DNMBP: variants seen among roughly 807,000 people sequenced by gnomAD.
DNMBP encodes the protein dynamin binding protein.
DNMBP carries 87 observed loss-of-function variants against 150.0 expected under a neutral mutation model. The ratio of observed to expected loss-of-function variants is 0.58; its 90% CI spans 0.49 to 0.69. The LOEUF (loss-of-function observed/expected upper bound fraction) is 0.69, where lower values mean the gene tolerates loss of function less well. Ranked by LOEUF, DNMBP falls within the 30% of genes least tolerant of loss-of-function variation. The pLI, the probability that DNMBP is intolerant of heterozygous loss-of-function variation, is 0.00. For missense variants in DNMBP, 1,774 were observed against 1,949.0 expected, an observed-to-expected ratio of 0.91 and a Z score of 1.69; for synonymous variants, 711 against 750.4, an observed-to-expected ratio of 0.95 and a Z score of 0.86.
At chr10:100,007,395 C>T (rs541650622) in intron 1 of DNMBP, among the ~76,000 whole-genome samples, 10 of 151,992 alleles carry the variant, frequency 6.6e-5, no homozygotes, top group African/African-American at 2.4e-4. Context: ...GACCCCGGCA[C>T]ACACAGGTGC....
intron 11 of DNMBP, among the ~76,000 whole-genome samples, chr10:99,891,155 T>C (rs1196899159): frequency 6.6e-6 from 1 of 150,570 alleles, no homozygotes; most frequent in Admixed American, 6.6e-5. Flanking sequence ...TAGAACTCCC[T>C]CTCCCTCTCC....
chr10:99,931,091 T>C (rs903301385), intron 4 of DNMBP: 5 of 244,824 alleles, frequency 2.0e-5, no homozygotes, highest in Admixed American at 1.1e-4. Flanking sequence ...TTGCTGAAGA[T>C]AGAGGCATTC....
chr10:100,006,944 C>T (rs868591368), intron 1 of DNMBP, among the ~76,000 whole-genome samples: 1 of 151,956 alleles, frequency 6.6e-6, no homozygotes, highest in Admixed American at 6.6e-5. Flanking sequence ...TGAAACCCCG[C>T]GTCTACTAAA....
At chr10:99,959,704 A>C (rs531284762) in intron 3 of DNMBP, among the ~76,000 whole-genome samples, 31 of 151,896 alleles carry the variant, frequency 2.0e-4, no homozygotes, top group African/African-American at 7.5e-4. Context: ...AATTTAAAAA[A>C]AAATTAGCCG....
intron 11 of DNMBP, among the ~76,000 whole-genome samples, chr10:99,891,341 G>C (rs1031763291): frequency 6.6e-6 from 1 of 150,892 alleles, no homozygotes; most frequent in Non-Finnish European, 1.5e-5. Flanking sequence ...GCGCCACCAC[G>C]CCTGACTGGT....
At chr10:99,961,027 C>T (rs1362049461) in intron 3 of DNMBP, among the ~76,000 whole-genome samples, 3 of 151,560 alleles carry the variant, frequency 2.0e-5, no homozygotes, top group Non-Finnish European at 4.4e-5. Flanking sequence ...CTAAGTCTGT[C>T]TTATATTCCC....
intron 4 of DNMBP, among the ~76,000 whole-genome samples, chr10:99,925,064 T>G (rs928197945): frequency 6.6e-6 from 1 of 152,240 alleles, no homozygotes; most frequent in African/African-American, 2.4e-5. Context: ...CTTGCACCTT[T>G]GCACCTCTGC....
Position 99,876,367 on chromosome 10 carries a change from C to G in DNMBP, c.*784G>C, listed in dbSNP as rs2039272978. 6.6e-6 allele frequency: 1 copy of G among 150,516 alleles called. No individual in the cohort carries two copies. Among genetic ancestry groups the G allele is most frequent in the Admixed American group, 6.6e-5 (1 of 15,124 alleles). The allele number at this position is 150,516 out of a possible 1,614,324, so 9.3% of individuals were successfully genotyped here. On this transcript the variant is annotated 3_prime_UTR_variant, in exon 17 of 17. Coordinates refer to ENST00000324109, the MANE Select transcript of DNMBP (RefSeq NM_015221.4). ...CTTGAGCCCAGGCGTTTAAGACCAG[C>G]CTGGGCAACATAGCAAGACCCCATC...
intron 11 of DNMBP, among the ~76,000 whole-genome samples, chr10:99,891,879 G>A (rs1189354990): frequency 1.3e-5 from 2 of 150,844 alleles, no homozygotes; most frequent in African/African-American, 4.9e-5. Flanking sequence ...CGTCTGGGAG[G>A]TGAGGAGCGT....
At chr10:99,930,293 C>T (rs10786578) in intron 4 of DNMBP, 262,206 of 702,688 alleles carry the variant, frequency 0.37, 50,347 homozygotes, top group African/African-American at 0.53. Context: ...AGTCAGTCAA[C>T]TGTTCAGCTT....
intron 4 of DNMBP, among the ~76,000 whole-genome samples, chr10:99,933,823 G>T (rs1360393110): frequency 6.6e-6 from 1 of 152,112 alleles, no homozygotes; most frequent in African/African-American, 2.4e-5. Flanking sequence ...TGCAAGCTCC[G>T]CCTCCCAGGT....
At chr10:99,910,263 C>T (rs7070572) in intron 4 of DNMBP, among the ~76,000 whole-genome samples, 55,037 of 152,230 alleles carry the variant, frequency 0.36, 10,438 homozygotes, top group South Asian at 0.42. Flanking sequence ...AATTCTGGGA[C>T]GGGTGCAGTG....
At chr10:99,882,002 C>G (rs2039374899) in intron 15 of DNMBP, among the ~76,000 whole-genome samples, 1 of 152,156 alleles carries the variant, frequency 6.6e-6, no homozygotes, top group Admixed American at 6.5e-5. Context: ...GTAAAACCCC[C>G]CAGCAGGGTC....
intron 15 of DNMBP, 27 bp downstream of exon 15, chr10:99,883,984 C>G: frequency 6.3e-7 from 1 of 1,595,766 alleles, no homozygotes; most frequent in Middle Eastern, 1.7e-4. Context: ...TTTCCAGTTA[C>G]AGTCCTCTGC....
chr10:99,909,017 CT>C lies in DNMBP; in HGVS notation c.2389del (p.Arg797GlufsTer38), dbSNP rs1210869080. On this transcript the variant is annotated frameshift_variant, in exon 5 of 17. Transcript: ENST00000324109. LOFTEE classifies it high-confidence loss of function. ...CATTTCCAGATCCCGAATGTAGTCTCTTTCTGTCTGAAGAAGTTCTTCTATG... is the reference window on the plus strand; with the variant it reads ...CATTTCCAGATCCCGAATGTAGTCTCTTCTGTCTGAAGAAGTTCTTCTATG... ...KVIEELLQTE[R>X]DYIRDLEMCI... 1.2e-6 allele frequency: 2 copies of C among 1,614,224 alleles called. No homozygotes were observed. The highest frequency in any genetic ancestry group is 1.7e-6 in the Non-Finnish European group (2 of 1,180,042).
chr10:100,005,873 A>G (rs1225839599), intron 1 of DNMBP, among the ~76,000 whole-genome samples: 1 of 152,158 alleles, frequency 6.6e-6, no homozygotes, highest in Non-Finnish European at 1.5e-5. Flanking sequence ...AAGCTCCTAC[A>G]TAAACAAAAG....
intron 1 of DNMBP, among the ~76,000 whole-genome samples, chr10:99,981,634 G>C (rs940220973): frequency 6.6e-6 from 1 of 152,174 alleles, no homozygotes; most frequent in African/African-American, 2.4e-5. Context: ...ATCAAAGTCT[G>C]AACTTGGCAC....
rs369699830 is a variant in DNMBP at position 100,003,885 on chromosome 10, C to A, written c.-11+5953G>T. The stretch of plus-strand genomic sequence containing the variant: ...ATAAATAAATAAAATAAGATGTTAA[C>A]CCTCCTCAAATAATTTATAAACTCA... On this transcript the variant is annotated intron_variant, in intron 1 of 16. Coordinates refer to ENST00000324109, the MANE Select transcript of DNMBP (RefSeq NM_015221.4). Among the ~76,000 whole-genome samples the A allele has an allele frequency of 1.8e-4, 28 of 151,848 alleles. No individual in the cohort carries two copies. In the South Asian group the frequency reaches 5.8e-3, roughly 32 times the overall value.
rs746675281 is a variant in DNMBP, at chr10:99,909,006, G to A, written c.2401C>T (p.Arg801Trp). The change falls in exon 5 of 17, where the codon CGG becomes TGG. Residue 801 changes from arginine to tryptophan, a missense_variant. This residue lies in a region of DNMBP where 1,430 missense variants were observed against 1,492.5 expected (regional missense o/e 0.96). Coordinates refer to ENST00000324109, the MANE Select transcript of DNMBP (RefSeq NM_015221.4). ...ELLQTERDYI[R>W]DLEMCIERIM... ...CGCTCAATACACATTTCCAGATCCC[G>A]AATGTAGTCTCTTTCTGTCTGAAGA... The A allele has an allele frequency of 2.5e-5, 41 of 1,614,126 alleles. No homozygotes were observed. The South Asian group carries it at 3.7e-4, about 15-fold the overall frequency.
Sources: allele counts gnomAD v4.1 joint callset (sites outside exome capture counted in the v4.1 genomes callset), GRCh38; gene constraint gnomAD v4.1.1; regional missense constraint gnomAD v4.1.1; transcripts MANE v1.5; gene names NCBI Gene and HGNC (gene_info 2026-07-23, HGNC 2026-07-21).